Variants in TADA2A observed in about 807,000 individuals in gnomAD.
TADA2A encodes transcriptional adaptor 2A.
A neutral mutation model predicts 67.4 loss-of-function variants in TADA2A; 38 were observed. That is an observed-to-expected ratio of 0.56 (90% confidence interval 0.44 to 0.74). The LOEUF (loss-of-function observed/expected upper bound fraction) is 0.74. Among genes scored for constraint, TADA2A ranks in the 30% least tolerant of loss-of-function variants. The probability of loss-of-function intolerance (pLI) is 0.00; values close to 1 mark genes in which losing one functional copy is unlikely to be tolerated. For synonymous variants in TADA2A, 192 were observed against 181.6 expected, an observed-to-expected ratio of 1.06 and a Z score of -0.46; for missense variants, 454 against 547.0, an observed-to-expected ratio of 0.83 and a Z score of 1.70.
intron 8 of TADA2A, among the ~76,000 whole-genome samples, chr17:37,446,387 G>C (rs2053082338): frequency 6.6e-6 from 1 of 151,970 alleles, no homozygotes; most frequent in Non-Finnish European, 1.5e-5. Context: ...TTTCTGGCTT[G>C]TATCTTTCTT....
chr17:37,473,127 AT>A (rs1020173351), intron 14 of TADA2A, among the ~76,000 whole-genome samples: 1,042 of 85,690 alleles, frequency 0.012, 17 homozygotes, highest in African/African-American at 0.042. Context: ...ACCTGGAGAA[AT>A]TTTTTTTTTT....
intron 2 of TADA2A, among the ~76,000 whole-genome samples, chr17:37,420,422 C>T (rs185201370): frequency 0.01 from 1,291 of 125,340 alleles, 78 homozygotes; most frequent in African/African-American, 0.036. Context: ...GATGGAGTTT[C>T]GCTCTTGTCA....
intron 2 of TADA2A, among the ~76,000 whole-genome samples, chr17:37,417,330 C>T (rs137995964): frequency 0.011 from 1,596 of 149,896 alleles, 30 homozygotes; most frequent in African/African-American, 0.034. Context: ...GAGCTGAGAT[C>T]GCGCCACTGC....
chr17:37,436,242 T>G (rs2052722715), intron 4 of TADA2A: 1 of 152,206 alleles, frequency 6.6e-6, no homozygotes, highest in South Asian at 2.1e-4. Context: ...TTAGAGATAT[T>G]TAGTCAAATT....
chr17:37,414,604 A>G (rs2051983279), intron 2 of TADA2A, among the ~76,000 whole-genome samples: 1 of 152,230 alleles, frequency 6.6e-6, no homozygotes, highest in Admixed American at 6.6e-5. Flanking sequence ...CAGTATACAT[A>G]CACACATGCA....
chr17:37,455,205 G>A (rs888929050), intron 8 of TADA2A, among the ~76,000 whole-genome samples: 1 of 151,736 alleles, frequency 6.6e-6, no homozygotes, highest in African/African-American at 2.4e-5. Context: ...CCATAAGTGA[G>A]AAGAAAGGTT....
intron 13 of TADA2A, 75 bp downstream of exon 13, chr17:37,470,607 C>A: frequency 7.1e-7 from 1 of 1,416,566 alleles, no homozygotes; most frequent in South Asian, 1.6e-5. Context: ...TTTGGGCACC[C>A]TAGATGGCAG....
At chr17:37,418,677 C>T (rs4795197) in intron 2 of TADA2A, among the ~76,000 whole-genome samples, 72,582 of 150,810 alleles carry the variant, frequency 0.48, 18,234 homozygotes, top group East Asian at 0.79. Flanking sequence ...CTGCAACCTC[C>T]CCCTCCTGCG....
chr17:37,449,202 T>C (rs1030342660), intron 8 of TADA2A, among the ~76,000 whole-genome samples: 19 of 152,084 alleles, frequency 1.2e-4, no homozygotes, highest in Middle Eastern at 3.2e-3. Context: ...TTGTATTTTT[T>C]AGTAGAGACG....
chr17:37,462,337 AT>A (rs2053564370), intron 10 of TADA2A, among the ~76,000 whole-genome samples: 1 of 152,106 alleles, frequency 6.6e-6, no homozygotes, highest in Non-Finnish European at 1.5e-5. Context: ...AGTTTAAAGT[AT>A]TAATTTGGGG....
chr17:37,417,337 C>G (rs2052082291), intron 2 of TADA2A, among the ~76,000 whole-genome samples: 1 of 150,116 alleles, frequency 6.7e-6, no homozygotes, highest in Non-Finnish European at 1.5e-5. Context: ...GATCGCGCCA[C>G]TGCACTACAG....
chr17:37,439,949 T>A (rs865965875), intron 5 of TADA2A, among the ~76,000 whole-genome samples: 32 of 103,434 alleles, frequency 3.1e-4, no homozygotes, highest in African/African-American at 1.3e-3. Flanking sequence ...TTTATTATTT[T>A]TTTTTTTTTT....
chr17:37,466,102 T>C (rs895503994), intron 11 of TADA2A, among the ~76,000 whole-genome samples: 1 of 152,210 alleles, frequency 6.6e-6, no homozygotes, highest in Non-Finnish European at 1.5e-5. Flanking sequence ...TAGTTACCAT[T>C]TGATTTTTCA....
At chr17:37,451,327 C>CT (rs1293045987) in intron 8 of TADA2A, among the ~76,000 whole-genome samples, 7,987 of 135,126 alleles carry the variant, frequency 0.059, 275 homozygotes, top group Middle Eastern at 0.094. Context: ...TGTTTTTTGG[C>CT]TTTTTTTTTT....
intron 2 of TADA2A, among the ~76,000 whole-genome samples, chr17:37,411,674 C>G (rs968527970): frequency 2.0e-5 from 3 of 151,856 alleles, no homozygotes; most frequent in African/African-American, 7.3e-5. Flanking sequence ...AGGTGATCCA[C>G]CCACCTCGGC....
chr17:37,423,573 G>A lies in TADA2A; in HGVS notation c.90G>A (p.Lys30=), dbSNP rs1237066514. ...CCTACCTCATGGAGCCTTATATCAA[G>A]TGTGCTGAATGTGGGCCACCTCCTT... ...CSSYLMEPYI[K]CAECGPPPFF... is the part of the protein sequence containing the mutation. Residue 30 remains lysine (K), a synonymous_variant, in exon 3 of 16, where the codon AAG becomes AAA. Coordinates refer to ENST00000615182, the MANE Select transcript of TADA2A (RefSeq NM_001166105.3). The A allele has an allele frequency of 4.3e-6, 7 of 1,613,472 alleles. No individual in the cohort carries two copies. The highest frequency in any genetic ancestry group is 5.9e-6 in the Non-Finnish European group (7 of 1,179,940).
Position 37,477,333 on chromosome 17 carries a change from C to T in TADA2A, c.*351C>T. On this transcript the variant is annotated 3_prime_UTR_variant, in exon 16 of 16. Coordinates refer to ENST00000615182, the MANE Select transcript of TADA2A (RefSeq NM_001166105.3). ...AGTCTGTAATCCCAGGAGTCCAGCT[C>T]AGATCCTTATATTGCGAGGTAAGTT... The T allele has an allele frequency of 4.6e-6, 1 of 215,852 alleles. No homozygotes were observed. Among genetic ancestry groups the T allele is most frequent in the Non-Finnish European group, 9.1e-6 (1 of 110,242 alleles). 13.4% of individuals were successfully genotyped at this position (215,852 alleles called of 1,614,324 possible).
chr17:37,441,114 GAGTC>G (rs1466287625), intron 6 of TADA2A, among the ~76,000 whole-genome samples: 3 of 147,202 alleles, frequency 2.0e-5, no homozygotes, highest in Admixed American at 6.9e-5. Flanking sequence ...AAAAAAAAAA[GAGTC>G]AGGATTATAA....
At chr17:37,435,681 G>A (rs2052703097) in intron 4 of TADA2A, among the ~76,000 whole-genome samples, 1 of 152,074 alleles carries the variant, frequency 6.6e-6, no homozygotes, top group African/African-American at 2.4e-5. Flanking sequence ...CCGGGTTCAA[G>A]CGATCCTCCT....
Sources: allele counts gnomAD v4.1 joint callset (sites outside exome capture counted in the v4.1 genomes callset), GRCh38; gene constraint gnomAD v4.1.1; transcripts MANE v1.5; gene names NCBI Gene and HGNC (gene_info 2026-07-23, HGNC 2026-07-21).